Variants in ZNF654 observed in about 807,000 individuals in gnomAD.
The protein encoded by ZNF654 is zinc finger protein 654.
ZNF654 carries 19 observed loss-of-function variants against 95.3 expected under a neutral mutation model. That is an observed-to-expected ratio of 0.20 (90% CI 0.14 to 0.29). ZNF654 has a LOEUF of 0.29. Among genes scored for constraint, ZNF654 ranks in the 10% least tolerant of loss-of-function variants. ZNF654 has a pLI of 1.00. For synonymous variants in ZNF654, 413 were observed against 457.9 expected (o/e 0.90, Z 1.25); for missense variants, 1,046 against 1,341.0 (o/e 0.78, Z 3.44).
intron 7 of ZNF654, among the ~76,000 whole-genome samples, chr3:88,136,802 C>T (rs1312387717): frequency 6.6e-6 from 1 of 152,100 alleles, no homozygotes; most frequent in Admixed American, 6.6e-5. Context: ...CTGGAACCAT[C>T]AAAAGATTTC....
intron 6 of ZNF654, among the ~76,000 whole-genome samples, chr3:88,131,686 G>A (rs1218555130): frequency 6.6e-6 from 1 of 152,066 alleles, no homozygotes; most frequent in Non-Finnish European, 1.5e-5. Flanking sequence ...TAACCAAAAA[G>A]GAGTCTTTAG....
chr3:88,095,584 A>G (rs1346602440), intron 2 of ZNF654: 2 of 521,476 alleles, frequency 3.8e-6, no homozygotes, highest in African/African-American at 1.9e-5. Flanking sequence ...AAATTGCCAC[A>G]GGAATCTGTT....
Position 88,074,607 on chromosome 3 carries a change from G to A in ZNF654, c.187-11650G>A, listed in dbSNP as rs538467731. ...TCCGCCTGCCTCGGCCTTCCAAAGT[G>A]CTGGATTATAAGCGTGAGCCACTGC... On this transcript the variant is annotated intron_variant, in intron 1 of 8. Transcript: ENST00000636215. 1.3e-3 allele frequency among the ~76,000 whole-genome samples: 203 copies of A among 152,208 alleles called. 2 individuals carry two copies. Among genetic ancestry groups the A allele is most frequent in the African/African-American group, 4.7e-3 (195 of 41,538 alleles).
intron 1 of ZNF654, among the ~76,000 whole-genome samples, chr3:88,083,130 C>G (rs934651794): frequency 2.0e-5 from 3 of 151,956 alleles, no homozygotes; most frequent in African/African-American, 7.3e-5. Flanking sequence ...CCTTTATGAC[C>G]TCATTTAAAC....
At chr3:88,060,057 TG>T (rs1217264643) in intron 1 of ZNF654, among the ~76,000 whole-genome samples, 8 of 152,290 alleles carry the variant, frequency 5.3e-5, no homozygotes, top group Non-Finnish European at 1.0e-4. Flanking sequence ...GCGTAGACGC[TG>T]ACCCACGGTG....
At chr3:88,078,903 TG>T (rs1252275530) in intron 1 of ZNF654, among the ~76,000 whole-genome samples, 1 of 152,048 alleles carries the variant, frequency 6.6e-6, no homozygotes. Context: ...ATAAATTCTC[TG>T]TGAATTTTTT....
In ZNF654 at chr3:88,139,743, C is replaced by T. The variant is rs748459599; in HGVS notation, c.2074C>T (p.Pro692Ser). Reference sequence around the variant, plus strand: ...TAATTCTTTAAATAATGTTTTCAAGCCTTTAACTGAATGTGGGGATGATTA... The same window carrying T: ...TAATTCTTTAAATAATGTTTTCAAGTCTTTAACTGAATGTGGGGATGATTA... ...PNNSLNNVFK[P>S]LTECGDDYEE... Residue 692 changes from proline to serine, a missense_variant, in exon 8 of 9, where the codon CCT becomes TCT. By Grantham distance (74) the Pro-to-Ser change is moderately conservative (BLOSUM62 -1). Coordinates refer to ENST00000636215, the MANE Select transcript of ZNF654 (RefSeq NM_001350134.2). 1.3e-6 allele frequency: 2 copies of T among 1,555,238 alleles called. No homozygotes were observed. Among genetic ancestry groups the T allele is most frequent in the Non-Finnish European group, 1.7e-6 (2 of 1,148,712 alleles).
rs780148593 is a variant in ZNF654, at chr3:88,059,474, G to C, written c.155G>C (p.Ser52Thr). The change falls in exon 1 of 9, where the codon AGC becomes ACC. Residue 52 changes from serine (S) to threonine (T), a missense_variant. Physicochemically the swap from Ser to Thr is moderately conservative, Grantham distance 58. Around this residue, in one of 9 missense-constraint regions of ZNF654, gnomAD observed 89 missense variants for 77.9 expected, o/e 1.14. Coordinates refer to ENST00000636215, the MANE Select transcript of ZNF654 (RefSeq NM_001350134.2). Reference sequence around the variant, plus strand: ...AACTGCGGCGGCGGCGTCGGAATCAGCAGTCGGGATTACTGCCGACGCTTC... The same window carrying C: ...AACTGCGGCGGCGGCGTCGGAATCACCAGTCGGGATTACTGCCGACGCTTC... ...SGNCGGGVGI[S>T]SRDYCRRFCQ... 41 of 1,516,824 alleles carry C rather than the reference G, an allele frequency of 2.7e-5. No individual in the cohort carries two copies. Among genetic ancestry groups the C allele is most frequent in the Admixed American group, 1.1e-4 (5 of 46,092 alleles). The allele number at this position is 1,516,824 out of a possible 1,614,324, so 94.0% of individuals were successfully genotyped here. A position where few individuals can be genotyped will look rare whatever the true frequency, so the allele number is the denominator to read the frequency against.
chr3:88,113,317 G>C, intron 3 of ZNF654, 121 bp downstream of exon 3: 2 of 551,832 alleles, frequency 3.6e-6, no homozygotes, highest in East Asian at 3.2e-5. Context: ...TAAGGTGACA[G>C]TGTTTAAGAT....
intron 3 of ZNF654, among the ~76,000 whole-genome samples, chr3:88,116,948 C>G (rs1238455140): frequency 6.6e-6 from 1 of 152,068 alleles, no homozygotes; most frequent in Non-Finnish European, 1.5e-5. Context: ...GGATAAATAC[C>G]TCAGTTATCA....
Position 88,140,453 on chromosome 3 carries a change from A to G in ZNF654, c.2784A>G (p.Ile928Met). Residue 928 changes from isoleucine (I) to methionine (M), a missense_variant, in exon 8 of 9, where the codon ATA becomes ATG. By Grantham distance (10) the Ile-to-Met change is conservative (BLOSUM62 1). This residue lies in a region of ZNF654 where 495 missense variants were observed against 537.0 expected (regional missense o/e 0.92). Coordinates refer to ENST00000636215, the MANE Select transcript of ZNF654 (RefSeq NM_001350134.2). ...AGTCTACAGAACCAAAGACATGTAT[A>G]GAAAGTATGGAAAAGAAAACAGACA... is the stretch of plus-strand genomic sequence containing the variant. ...RKESTEPKTC[I>M]ESMEKKTDSL... 1 of 1,613,710 alleles carries G rather than the reference A, an allele frequency of 6.2e-7. No individual in the cohort carries two copies. Among genetic ancestry groups the G allele is most frequent in the Non-Finnish European group, 8.5e-7 (1 of 1,179,722 alleles).
At chr3:88,119,207 A>G (rs1705604304) in intron 3 of ZNF654, among the ~76,000 whole-genome samples, 1 of 148,460 alleles carries the variant, frequency 6.7e-6, no homozygotes, top group African/African-American at 2.5e-5. Context: ...ATGCAGCCAT[A>G]AAAAATGATG....
intron 2 of ZNF654, among the ~76,000 whole-genome samples, chr3:88,104,205 T>C (rs1203530880): frequency 6.6e-6 from 1 of 152,120 alleles, no homozygotes; most frequent in Non-Finnish European, 1.5e-5. Flanking sequence ...GGACAGAAAT[T>C]TGGATGTATC....
chr3:88,088,166 A>C (rs1306515464), intron 2 of ZNF654, among the ~76,000 whole-genome samples: 1 of 152,204 alleles, frequency 6.6e-6, no homozygotes, highest in African/African-American at 2.4e-5. Flanking sequence ...TTTCTCAGTG[A>C]GACTACTAGC....
chr3:88,120,765 A>C (rs1289927027), intron 3 of ZNF654, among the ~76,000 whole-genome samples: 1 of 151,508 alleles, frequency 6.6e-6, no homozygotes, highest in East Asian at 1.9e-4. Flanking sequence ...AAAAAGGATG[A>C]AACTAAAATA....
intron 1 of ZNF654, among the ~76,000 whole-genome samples, chr3:88,080,845 A>C (rs1708040562): frequency 6.6e-6 from 1 of 152,198 alleles, no homozygotes; most frequent in African/African-American, 2.4e-5. Context: ...TTAAAACTGA[A>C]CTAATTTTAG....
chr3:88,109,752 C>A (rs142453975), intron 2 of ZNF654, among the ~76,000 whole-genome samples: 2 of 152,004 alleles, frequency 1.3e-5, no homozygotes, highest in Non-Finnish European at 2.9e-5. Flanking sequence ...ACATAACTTA[C>A]AATTTGGACT....
intron 2 of ZNF654, among the ~76,000 whole-genome samples, chr3:88,087,169 C>G (rs1708380086): frequency 1.3e-5 from 2 of 152,114 alleles, no homozygotes; most frequent in Non-Finnish European, 2.9e-5. Flanking sequence ...ACCTCTACCT[C>G]CCAGGTTCAA....
intron 1 of ZNF654, among the ~76,000 whole-genome samples, chr3:88,066,183 G>A (rs1707188573): frequency 6.6e-6 from 1 of 152,222 alleles, no homozygotes; most frequent in Non-Finnish European, 1.5e-5. Flanking sequence ...AATGACCAAT[G>A]AGGTTCTAAA....
Sources: gnomAD v4.1 joint callset for allele counts (sites outside exome capture counted in the v4.1 genomes callset) on GRCh38, gnomAD v4.1.1 for gene constraint, gnomAD v4.1.1 regional missense constraint, MANE v1.5 for transcripts, NCBI Gene and HGNC (gene_info 2026-07-23, HGNC 2026-07-21) for gene names.